Variants in ETS1 observed in about 807,000 individuals in gnomAD.
ETS1 encodes the protein ETS proto-oncogene 1, transcription factor.
A neutral mutation model predicts 58.6 loss-of-function variants in ETS1; 15 were observed. That is an observed-to-expected ratio of 0.26 (90% CI 0.17 to 0.39). The LOEUF is 0.39. Among genes scored for constraint, ETS1 ranks in the 10% least tolerant of loss-of-function variants. The probability of loss-of-function intolerance (pLI) is 1.00; values close to 1 mark genes in which losing one functional copy is unlikely to be tolerated. For synonymous variants in ETS1, 214 were observed against 218.2 expected (o/e 0.98, Z 0.17); for missense variants, 417 against 610.5 (o/e 0.68, Z 3.34).
chr11:128,579,275 A>C (rs1232440411), intron 1 of ETS1, among the ~76,000 whole-genome samples: 7 of 152,198 alleles, frequency 4.6e-5, no homozygotes, highest in Admixed American at 4.6e-4. Context: ...ATAGATTTCC[A>C]ATGAGCATTT....
At chr11:128,585,388 A>G (rs1350058765) in intron 1 of ETS1, among the ~76,000 whole-genome samples, 1 of 151,358 alleles carries the variant, frequency 6.6e-6, no homozygotes, top group Admixed American at 6.6e-5. Context: ...GGACGTAATC[A>G]TTCCCTTCTG....
chr11:128,519,147 A>G (rs1277703685), intron 3 of ETS1, among the ~76,000 whole-genome samples: 1 of 152,222 alleles, frequency 6.6e-6, no homozygotes, highest in African/African-American at 2.4e-5. Flanking sequence ...TTACACTTGC[A>G]AGGAAAAGTC....
chr11:128,577,928 A>AAG (rs1555091628), intron 1 of ETS1, among the ~76,000 whole-genome samples: 38 of 151,714 alleles, frequency 2.5e-4, no homozygotes, highest in African/African-American at 8.5e-4. Context: ...AAAAAAAAAA[A>AAG]AGAGAGAGAG....
chr11:128,575,194 C>T (rs776986574), intron 1 of ETS1, among the ~76,000 whole-genome samples: 3 of 152,152 alleles, frequency 2.0e-5, no homozygotes, highest in Non-Finnish European at 2.9e-5. Flanking sequence ...ACATACACAC[C>T]TATGATAAAG....
intron 7 of ETS1, among the ~76,000 whole-genome samples, chr11:128,480,822 C>T (rs368611597): frequency 3.0e-4 from 46 of 152,180 alleles, no homozygotes; most frequent in Non-Finnish European, 5.0e-4. Flanking sequence ...TGGCTGATGT[C>T]GTAGGCCCAA....
chr11:128,483,769 T>C lies in ETS1; in HGVS notation c.862+1054A>G, dbSNP rs138036965. Among the ~76,000 whole-genome samples, 1,360 of 152,290 alleles carry C rather than the reference T, an allele frequency of 8.9e-3. 21 individuals are homozygous for C. The highest frequency in any genetic ancestry group is 0.01 in the Non-Finnish European group (692 of 68,036). On this transcript the variant is annotated intron_variant, in intron 7 of 9. Transcript: ENST00000392668. Reference sequence around the variant, plus strand: ...TCAAAGTAAAGGTACCATTGGGCTCTCCTCCAAGAGCCTCACAATAGGCAC... The same window carrying C: ...TCAAAGTAAAGGTACCATTGGGCTCCCCTCCAAGAGCCTCACAATAGGCAC...
chr11:128,541,905 C>T (rs1864063345), intron 3 of ETS1, among the ~76,000 whole-genome samples: 1 of 152,150 alleles, frequency 6.6e-6, no homozygotes, highest in African/African-American at 2.4e-5. Flanking sequence ...GGTCTCAACA[C>T]AGGTATTGAT....
intron 4 of ETS1, among the ~76,000 whole-genome samples, chr11:128,489,873 C>A (rs532180253): frequency 2.0e-5 from 3 of 152,290 alleles, no homozygotes; most frequent in African/African-American, 4.8e-5. Context: ...ATTGCTCATG[C>A]CTCTCCCTGC....
chr11:128,470,715 GA>G (rs1372252128), intron 8 of ETS1, among the ~76,000 whole-genome samples: 1 of 151,940 alleles, frequency 6.6e-6, no homozygotes, highest in African/African-American at 2.4e-5. Context: ...AAAAGCACTA[GA>G]AAAAATCTAA....
chr11:128,470,433 TG>T lies in ETS1; in HGVS notation c.1124-6807del, dbSNP rs1211039800. Among the ~76,000 whole-genome samples the T allele has an allele frequency of 3.9e-5, 6 of 152,306 alleles. No individual in the cohort carries two copies. The East Asian group carries it at 1.2e-3, about 29-fold the overall frequency. On this transcript the variant is annotated intron_variant, in intron 8 of 9. Coordinates refer to ENST00000392668, the MANE Select transcript of ETS1 (RefSeq NM_001143820.2). ...TCTTATGCAACTCATTTAATCTCTCTGGGCTTTACTTTTTCCTTTCCTAAAA... is the reference window on the plus strand; with the variant it reads ...TCTTATGCAACTCATTTAATCTCTCTGGCTTTACTTTTTCCTTTCCTAAAA...
chr11:128,502,302 C>A (rs1863111764), intron 3 of ETS1, among the ~76,000 whole-genome samples: 1 of 152,160 alleles, frequency 6.6e-6, no homozygotes, highest in African/African-American at 2.4e-5. Flanking sequence ...TTGCCTTCTG[C>A]TAAAATACAG....
chr11:128,489,621 G>C (rs1171767569), intron 4 of ETS1, 131 bp from the exon 5 acceptor site: 6 of 702,238 alleles, frequency 8.5e-6, no homozygotes, highest in African/African-American at 3.5e-5. Context: ...GGAAGCATCA[G>C]CCTAGCCTGC....
intron 3 of ETS1, among the ~76,000 whole-genome samples, chr11:128,514,585 G>A (rs74458869): frequency 0.012 from 1,828 of 152,284 alleles, 22 homozygotes; most frequent in Non-Finnish European, 0.019. Flanking sequence ...TGTTGCAAGA[G>A]AGAGCTTCAC....
chr11:128,480,527 C>T (rs1862456161), intron 7 of ETS1, 76 bp from the exon 8 acceptor site: 25 of 989,982 alleles, frequency 2.5e-5, no homozygotes, highest in Non-Finnish European at 3.7e-5. Context: ...TAAAAACCCT[C>T]TTATGGAGGA....
At chr11:128,576,962 C>T (rs1683852807) in intron 1 of ETS1, among the ~76,000 whole-genome samples, 1 of 152,156 alleles carries the variant, frequency 6.6e-6, no homozygotes, top group Non-Finnish European at 1.5e-5. Flanking sequence ...GTTTATGTTC[C>T]CAAAGTGTAT....
intron 3 of ETS1, 83 bp from the exon 4 acceptor site, chr11:128,490,659 A>C: frequency 9.4e-7 from 1 of 1,069,254 alleles, no homozygotes; most frequent in South Asian, 1.4e-5. Context: ...GGCTGTAAGA[A>C]GGCAAGCTGA....
chr11:128,574,462 C>A (rs1864701993), intron 1 of ETS1, among the ~76,000 whole-genome samples: 1 of 152,082 alleles, frequency 6.6e-6, no homozygotes, highest in Admixed American at 6.5e-5. Context: ...GCAAAACCAC[C>A]CCAGGAAGAG....
At chr11:128,573,248 G>A in intron 1 of ETS1, 104 bp from the exon 2 acceptor site, 7 of 772,124 alleles carry the variant, frequency 9.1e-6, no homozygotes, top group South Asian at 7.9e-5. Context: ...CTCCTTAGGA[G>A]CCAACCAGTT....
At chr11:128,473,741 G>A (rs550046540) in intron 8 of ETS1, among the ~76,000 whole-genome samples, 1 of 152,192 alleles carries the variant, frequency 6.6e-6, no homozygotes, top group South Asian at 2.1e-4. Context: ...CGCTTCTCTT[G>A]AATGAGCCTC....
Sources: gnomAD v4.1 joint callset for allele counts (sites outside exome capture counted in the v4.1 genomes callset) on GRCh38, gnomAD v4.1.1 for gene constraint, MANE v1.5 for transcripts, NCBI Gene and HGNC (gene_info 2026-07-23, HGNC 2026-07-21) for gene names.